The following SEMA6D variants were observed in gnomAD, a reference collection of about 807,000 sequenced individuals.
SEMA6D encodes semaphorin-6D.
Under a neutral mutation model 106.6 loss-of-function variants are expected in SEMA6D, and 35 were observed. The ratio of observed to expected loss-of-function variants is 0.33; its 90% CI spans 0.25 to 0.44. SEMA6D has a LOEUF of 0.44. Among genes scored for constraint, SEMA6D ranks in the 20% least tolerant of loss-of-function variants. The pLI is 1.00. For missense variants in SEMA6D, 1,185 were observed against 1,345.9 expected, an observed-to-expected ratio of 0.88 and a Z score of 1.87; for synonymous variants, 499 against 487.7, an observed-to-expected ratio of 1.02 and a Z score of -0.31.
At chr15:47,702,899 C>T (rs964475912) in intron 4 of SEMA6D, among the ~76,000 whole-genome samples, 1 of 151,950 alleles carries the variant, frequency 6.6e-6, no homozygotes, top group Admixed American at 6.6e-5. Context: ...TTTTTTAAGG[C>T]AGTGGAACTG....
chr15:47,698,224 G>A (rs992607558), intron 4 of SEMA6D, among the ~76,000 whole-genome samples: 5 of 152,062 alleles, frequency 3.3e-5, no homozygotes, highest in African/African-American at 1.2e-4. Context: ...GTGAGGAATG[G>A]TCAATAAACA....
At chr15:47,599,805 A>G (rs1004715365) in intron 3 of SEMA6D, among the ~76,000 whole-genome samples, 2 of 152,248 alleles carry the variant, frequency 1.3e-5, no homozygotes, top group South Asian at 2.1e-4. Context: ...CAGGTGAACT[A>G]ATCAATCAAT....
chr15:47,744,892 C>T (rs1207818074), intron 1 of SEMA6D, among the ~76,000 whole-genome samples: 2 of 152,140 alleles, frequency 1.3e-5, no homozygotes, highest in African/African-American at 4.8e-5. Flanking sequence ...CATAAAATGT[C>T]ACAACTTGGA....
chr15:47,283,079 G>A (rs942669310), intron 1 of SEMA6D, among the ~76,000 whole-genome samples: 3 of 151,962 alleles, frequency 2.0e-5, no homozygotes, highest in African/African-American at 2.4e-5. Context: ...TTTCTCAAAG[G>A]CCAGACTGTT....
At chr15:47,691,082 A>G (rs890771900) in intron 4 of SEMA6D, among the ~76,000 whole-genome samples, 5 of 152,180 alleles carry the variant, frequency 3.3e-5, no homozygotes, top group Admixed American at 6.5e-5. Context: ...CCAAAGAAGC[A>G]ATATTCAGCC....
chr15:47,331,577 AC>A lies in SEMA6D; in HGVS notation c.-238-80815del, dbSNP rs1408360481. Among the ~76,000 whole-genome samples the A allele has an allele frequency of 3.3e-5, 5 of 152,206 alleles. No individual in the cohort carries two copies. The East Asian group carries it at 9.7e-4, about 29-fold the overall frequency. The stretch of plus-strand genomic sequence containing the variant: ...TATCATTTTTTCAAACAAAGCATAG[AC>A]ATATGCATAAACATGTGGGTGTGGA... On this transcript the variant is annotated intron_variant, in intron 1 of 19. Transcript: ENST00000558014.
At chr15:47,333,238 T>A (rs1427010312) in intron 1 of SEMA6D, among the ~76,000 whole-genome samples, 1 of 152,134 alleles carries the variant, frequency 6.6e-6, no homozygotes, top group Admixed American at 6.6e-5. Context: ...GATTAACAGA[T>A]TACAATTTAA....
chr15:47,411,070 C>T (rs1307961445), intron 1 of SEMA6D, among the ~76,000 whole-genome samples: 1 of 151,660 alleles, frequency 6.6e-6, no homozygotes. Flanking sequence ...CCTCATTTTC[C>T]AGATGATTCC....
chr15:47,747,363 T>C (rs1330175337), intron 1 of SEMA6D, among the ~76,000 whole-genome samples: 1 of 152,220 alleles, frequency 6.6e-6, no homozygotes, highest in African/African-American at 2.4e-5. Flanking sequence ...GATCCTGTTT[T>C]CTGTCCCTTC....
At chr15:47,209,072 C>G (rs1396924210) in intron 1 of SEMA6D, among the ~76,000 whole-genome samples, 5 of 152,090 alleles carry the variant, frequency 3.3e-5, no homozygotes, top group South Asian at 2.1e-4. Context: ...GACCCAAGGC[C>G]ATTCCATTAT....
intron 2 of SEMA6D, among the ~76,000 whole-genome samples, chr15:47,438,640 C>A (rs2041793782): frequency 6.6e-6 from 1 of 151,888 alleles, no homozygotes; most frequent in Non-Finnish European, 1.5e-5. Context: ...TGGTTATGTT[C>A]TTTCCACAGA....
At chr15:47,333,372 G>A (rs498460) in intron 1 of SEMA6D, among the ~76,000 whole-genome samples, 48,954 of 151,936 alleles carry the variant, frequency 0.32, 9,488 homozygotes, top group East Asian at 0.55. Context: ...AAATTGTATG[G>A]ACCATAAATG....
intron 3 of SEMA6D, among the ~76,000 whole-genome samples, chr15:47,480,788 T>C (rs1420575483): frequency 6.6e-6 from 1 of 152,212 alleles, no homozygotes; most frequent in African/African-American, 2.4e-5. Flanking sequence ...ATTCTCTTTG[T>C]ATCCTTGTAA....
rs143187532 is a variant in SEMA6D, at chr15:47,747,246, T to C, written c.-54-12499T>C. 3.9e-5 allele frequency among the ~76,000 whole-genome samples: 6 copies of C among 152,254 alleles called. No individual in the cohort carries two copies. In the East Asian group the frequency reaches 1.2e-3, roughly 29 times the overall value. ...GTTAGGGCAGAAAGGCAAAAACTTG[T>C]AGGCAAATTGTTGCTAGAATTATGG... On this transcript the variant is annotated intron_variant, in intron 1 of 18. Coordinates refer to ENST00000536845, the MANE Select transcript of SEMA6D (RefSeq NM_001358351.3).
intron 3 of SEMA6D, among the ~76,000 whole-genome samples, chr15:47,526,981 C>G (rs966358530): frequency 4.6e-5 from 7 of 152,112 alleles, no homozygotes; most frequent in Non-Finnish European, 7.4e-5. Flanking sequence ...TCGTGATCTG[C>G]CCGCCTAAGC....
At chr15:47,654,140 G>A (rs945704338) in intron 4 of SEMA6D, among the ~76,000 whole-genome samples, 8 of 152,116 alleles carry the variant, frequency 5.3e-5, no homozygotes, top group Admixed American at 1.3e-4. Context: ...TTTCCATCCC[G>A]AACTGCAGGG....
At chr15:47,698,483 C>T (rs555461690) in intron 4 of SEMA6D, among the ~76,000 whole-genome samples, 30 of 152,264 alleles carry the variant, frequency 2.0e-4, no homozygotes, top group Admixed American at 3.3e-4. Context: ...ATCTTCCTAC[C>T]AGGGAAATCT....
At chr15:47,388,713 A>G (rs533784741) in intron 1 of SEMA6D, among the ~76,000 whole-genome samples, 2 of 152,310 alleles carry the variant, frequency 1.3e-5, no homozygotes, top group South Asian at 4.1e-4. Context: ...TCAAGGATAT[A>G]TAAAATCCAC....
At chr15:47,235,738 G>A (rs2032498180) in intron 1 of SEMA6D, among the ~76,000 whole-genome samples, 1 of 152,042 alleles carries the variant, frequency 6.6e-6, no homozygotes, top group Non-Finnish European at 1.5e-5. Flanking sequence ...AGTATAATTT[G>A]AAGTCAGGTA....
Sources: allele counts gnomAD v4.1 joint callset (sites outside exome capture counted in the v4.1 genomes callset), GRCh38; gene constraint gnomAD v4.1.1; transcripts MANE v1.5; gene names NCBI Gene and HGNC (gene_info 2026-07-23, HGNC 2026-07-21).